The following ANKS1B variants were observed in gnomAD, a reference collection of about 807,000 sequenced individuals.
ANKS1B encodes ankyrin repeat and sterile alpha motif domain-containing protein 1B.
In ANKS1B, 36 loss-of-function variants were observed where a neutral mutation model predicts 148.3. That is an observed-to-expected ratio of 0.24 (90% confidence interval 0.19 to 0.32). ANKS1B has a LOEUF of 0.32. ANKS1B is among the 10% of genes least tolerant of loss of function. The pLI is 1.00. For missense variants in ANKS1B, 1,157 were observed against 1,542.6 expected, an observed-to-expected ratio of 0.75 and a Z score of 4.19; for synonymous variants, 542 against 560.8, an observed-to-expected ratio of 0.97 and a Z score of 0.47.
At chr12:99,080,828 C>T (rs2049445670) in intron 16 of ANKS1B, among the ~76,000 whole-genome samples, 1 of 152,142 alleles carries the variant, frequency 6.6e-6, no homozygotes, top group Non-Finnish European at 1.5e-5. Context: ...ATAAACTTAA[C>T]ATTTCTAGGA....
At chr12:99,657,659 A>ATATATATATATATATATATAT (rs66516058) in intron 8 of ANKS1B, among the ~76,000 whole-genome samples, 1 of 146,798 alleles carries the variant, frequency 6.8e-6, no homozygotes, top group East Asian at 2.0e-4. Context: ...ATATATATAT[A>ATATATATATATATATATATAT]TGATAAAGTT....
At chr12:99,822,457 A>G (rs1342483890) in intron 2 of ANKS1B, among the ~76,000 whole-genome samples, 2 of 152,112 alleles carry the variant, frequency 1.3e-5, no homozygotes, top group African/African-American at 4.8e-5. Context: ...TACCCCCTCT[A>G]GTGGTCTCCA....
chr12:99,651,641 A>C (rs2098420084), intron 9 of ANKS1B, among the ~76,000 whole-genome samples: 1 of 152,086 alleles, frequency 6.6e-6, no homozygotes, highest in Non-Finnish European at 1.5e-5. Flanking sequence ...TAAATATTTC[A>C]ATCTGCTTCT....
intron 10 of ANKS1B, among the ~76,000 whole-genome samples, chr12:99,471,788 T>C (rs765111198): frequency 1.3e-5 from 2 of 152,118 alleles, no homozygotes; most frequent in African/African-American, 4.8e-5. Flanking sequence ...AACTCTGACA[T>C]GTAATGCAGG....
At position 98,744,959 on chromosome 12, in the gene ANKS1B, A is replaced by G; in HGVS notation, c.*780T>C. On this transcript the variant is annotated 3_prime_UTR_variant, in exon 27 of 27. Transcript: ENST00000683438. ...TCTTGGTAGTAGCAGTAGAAATTTA[A>G]TTATTTGAAATGAAACCAGAAACAT... 1 of 985,868 alleles carries G rather than the reference A, an allele frequency of 1.0e-6. No homozygotes were observed. Among genetic ancestry groups the G allele is most frequent in the Non-Finnish European group, 1.2e-6 (1 of 829,928 alleles). 61.1% of individuals were successfully genotyped at this position (985,868 alleles called of 1,614,324 possible).
intron 1 of ANKS1B, among the ~76,000 whole-genome samples, chr12:99,912,887 T>C (rs535885497): frequency 1.3e-5 from 2 of 152,168 alleles, no homozygotes; most frequent in African/African-American, 2.4e-5. Context: ...TTAGTTTTGT[T>C]TACTCATTGA....
chr12:98,997,403 A>G (rs2099930324), intron 17 of ANKS1B, among the ~76,000 whole-genome samples: 1 of 142,274 alleles, frequency 7.0e-6, no homozygotes, highest in South Asian at 2.1e-4. Context: ...CAGTGTTTGC[A>G]ATTTTTTTTT....
chr12:99,223,937 T>C (rs1478698557), intron 14 of ANKS1B, among the ~76,000 whole-genome samples: 1 of 152,236 alleles, frequency 6.6e-6, no homozygotes, highest in Non-Finnish European at 1.5e-5. Flanking sequence ...TCATACTTCA[T>C]TGTCCTGGAA....
intron 12 of ANKS1B, among the ~76,000 whole-genome samples, chr12:99,322,362 G>A (rs2085440721): frequency 1.3e-5 from 2 of 151,622 alleles, no homozygotes; most frequent in Admixed American, 6.6e-5. Flanking sequence ...TGTGGGGTGG[G>A]GAATGAGGGG....
intron 9 of ANKS1B, among the ~76,000 whole-genome samples, chr12:99,557,111 T>A (rs950377790): frequency 6.6e-6 from 1 of 152,184 alleles, no homozygotes; most frequent in Non-Finnish European, 1.5e-5. Context: ...ATTTTTTCTT[T>A]TATTCAACCT....
At chr12:99,236,451 G>C (rs2087947295) in intron 14 of ANKS1B, among the ~76,000 whole-genome samples, 2 of 152,184 alleles carry the variant, frequency 1.3e-5, no homozygotes, top group Admixed American at 1.3e-4. Context: ...CAGCAGGAGA[G>C]AGACACAGTA....
intron 12 of ANKS1B, among the ~76,000 whole-genome samples, chr12:99,274,979 A>G (rs780790778): frequency 6.6e-5 from 10 of 152,194 alleles, no homozygotes; most frequent in Non-Finnish European, 1.0e-4. Context: ...TGAGATTTCC[A>G]AAGGACCAGG....
chr12:99,424,648 TAC>T (rs1594551481), intron 11 of ANKS1B, among the ~76,000 whole-genome samples: 1 of 141,108 alleles, frequency 7.1e-6, no homozygotes, highest in Admixed American at 7.0e-5. Context: ...CACACACACA[TAC>T]ACACACACAC....
At chr12:99,311,264 A>T (rs1162089361) in intron 12 of ANKS1B, among the ~76,000 whole-genome samples, 2 of 152,110 alleles carry the variant, frequency 1.3e-5, no homozygotes, top group Non-Finnish European at 1.5e-5. Flanking sequence ...TTCCTATAAC[A>T]TTGCCAGAAA....
At chr12:99,510,394 A>G (rs7299728) in intron 9 of ANKS1B, among the ~76,000 whole-genome samples, 18,158 of 152,014 alleles carry the variant, frequency 0.12, 2,523 homozygotes, top group African/African-American at 0.34. Flanking sequence ...GTGATTCATC[A>G]GATGAAGTCA....
chr12:99,026,708 A>G (rs1598630540), intron 17 of ANKS1B, among the ~76,000 whole-genome samples: 2 of 152,182 alleles, frequency 1.3e-5, no homozygotes, highest in African/African-American at 4.8e-5. Context: ...CAGGGAGTCC[A>G]TTGCATTTGC....
chr12:99,705,837 A>G (rs2055665263), intron 8 of ANKS1B, among the ~76,000 whole-genome samples: 1 of 152,138 alleles, frequency 6.6e-6, no homozygotes, highest in East Asian at 1.9e-4. Context: ...AGAGACATGA[A>G]GCATATAGAA....
At chr12:99,463,327 G>T (rs188831748) in intron 10 of ANKS1B, among the ~76,000 whole-genome samples, 53 of 152,338 alleles carry the variant, frequency 3.5e-4, no homozygotes, top group African/African-American at 1.2e-3. Flanking sequence ...GGCCGAATAG[G>T]AACAGATCCG....
chr12:99,517,073 G>A (rs768219826), intron 9 of ANKS1B, among the ~76,000 whole-genome samples: 1 of 151,868 alleles, frequency 6.6e-6, no homozygotes, highest in African/African-American at 2.4e-5. Context: ...ATTTGAGTAG[G>A]GATTGCATTA....
Sources: allele counts gnomAD v4.1 joint callset (sites outside exome capture counted in the v4.1 genomes callset), GRCh38; gene constraint gnomAD v4.1.1; transcripts MANE v1.5; gene names NCBI Gene and HGNC (gene_info 2026-07-23, HGNC 2026-07-21).